The following VCL variants were observed in gnomAD, a reference collection of about 807,000 sequenced individuals.
VCL encodes the protein epididymis luminal protein 114.
VCL carries 47 observed loss-of-function variants against 125.7 expected under a neutral mutation model. The observed-to-expected ratio is 0.37, with a 90% confidence interval of 0.30 to 0.48. The LOEUF is 0.48. VCL is among the 20% of genes least tolerant of loss of function. The pLI, the probability that VCL is intolerant of heterozygous loss-of-function variation, is 0.99. For synonymous variants in VCL, 458 were observed against 514.6 expected, an observed-to-expected ratio of 0.89 and a Z score of 1.49; for missense variants, 1,069 against 1,455.5, an observed-to-expected ratio of 0.73 and a Z score of 4.32.
At chr10:74,110,210 G>A (rs925277299) in intron 18 of VCL, among the ~76,000 whole-genome samples, 31 of 152,180 alleles carry the variant, frequency 2.0e-4, no homozygotes, top group African/African-American at 7.2e-4. Flanking sequence ...ACTGTGCATG[G>A]GGAGTGGGGG....
intron 2 of VCL, among the ~76,000 whole-genome samples, chr10:74,052,689 T>C (rs1298081237): frequency 2.0e-5 from 3 of 152,064 alleles, no homozygotes; most frequent in African/African-American, 7.2e-5. Flanking sequence ...TCAGTTACTT[T>C]TTAAGCTTTT....
intron 1 of VCL, among the ~76,000 whole-genome samples, chr10:73,999,590 G>T (rs1449087901): frequency 6.6e-6 from 1 of 152,142 alleles, no homozygotes; most frequent in Non-Finnish European, 1.5e-5. Flanking sequence ...GGCAACTGTG[G>T]GTCTGTCTGG....
At chr10:74,009,220 C>CCT (rs1840374305) in intron 1 of VCL, among the ~76,000 whole-genome samples, 1 of 109,200 alleles carries the variant, frequency 9.2e-6, no homozygotes. Context: ...CTGCTTTCCC[C>CCT]CCCCCCCCCC....
At chr10:74,114,952 A>G (rs943273508) in intron 21 of VCL, 53 bp downstream of exon 21, 1 of 1,511,814 alleles carries the variant, frequency 6.6e-7, no homozygotes, top group Non-Finnish European at 9.0e-7. Flanking sequence ...GCCGTTTTGC[A>G]GTAATTTAAC....
chr10:74,116,562 A>G (rs1353076396), intron 21 of VCL, among the ~76,000 whole-genome samples: 1 of 152,072 alleles, frequency 6.6e-6, no homozygotes, highest in Non-Finnish European at 1.5e-5. Flanking sequence ...TAGAATGGAA[A>G]AAACACAGGA....
chr10:74,004,357 G>A (rs995750876), intron 1 of VCL, among the ~76,000 whole-genome samples: 3 of 152,292 alleles, frequency 2.0e-5, no homozygotes, highest in African/African-American at 7.2e-5. Flanking sequence ...TTACAGATGA[G>A]GGAGGATACT....
rs759937112 is a variant in VCL, at chr10:74,043,139, A to G, written c.225A>G (p.Pro75=). 3.4e-5 allele frequency: 55 copies of G among 1,613,108 alleles called. No homozygotes were observed. Among genetic ancestry groups the G allele is most frequent in the Non-Finnish European group, 4.3e-5 (51 of 1,179,440 alleles). The change falls in exon 2 of 22, where the codon CCA becomes CCG. Residue 75 remains proline, a synonymous_variant. Transcript: ENST00000211998. ...TEDQILKRDM[P]PAFIKVENAC... ...ATCAGATTTTGAAGAGAGATATGCCACCAGCATTTATTAAGTGAGTAATTG... is the reference window on the plus strand; with the variant it reads ...ATCAGATTTTGAAGAGAGATATGCCGCCAGCATTTATTAAGTGAGTAATTG...
rs190442191 is a variant in VCL, at chr10:74,095,509, G to A, written c.1544-147G>A. ...GAGGCTGTGGTGGGAGGGATTGCTT[G>A]AGCCGGCAGGTCAAGGCTGCAATGA... On this transcript the variant is annotated intron_variant, in intron 11 of 21. Coordinates refer to ENST00000211998, the MANE Select transcript of VCL (RefSeq NM_014000.3). 7.6e-6 allele frequency: 7 copies of A among 916,202 alleles called. No individual in the cohort carries two copies. In the East Asian group the frequency reaches 1.6e-4, roughly 21 times the overall value. 56.8% of individuals were successfully genotyped at this position (916,202 alleles called of 1,614,324 possible). A position where few individuals can be genotyped will look rare whatever the true frequency, so the allele number is the denominator to read the frequency against.
At chr10:74,083,069 T>C (rs1839703777) in intron 7 of VCL, among the ~76,000 whole-genome samples, 1 of 152,198 alleles carries the variant, frequency 6.6e-6, no homozygotes, top group Non-Finnish European at 1.5e-5. Flanking sequence ...AGGTTGGAGG[T>C]GCTAAATACT....
chr10:74,044,634 A>G (rs1290393980), intron 2 of VCL, among the ~76,000 whole-genome samples: 1 of 152,208 alleles, frequency 6.6e-6, no homozygotes, highest in Non-Finnish European at 1.5e-5. Flanking sequence ...ACATCAGTAA[A>G]GTAGAAGATA....
intron 1 of VCL, among the ~76,000 whole-genome samples, chr10:73,999,274 C>T (rs1368930435): frequency 6.6e-6 from 1 of 152,172 alleles, no homozygotes; most frequent in Non-Finnish European, 1.5e-5. Context: ...CCGCCCCTGC[C>T]GGAGAGAAGG....
chr10:74,095,192 TTAA>T (rs1839947946), intron 11 of VCL, among the ~76,000 whole-genome samples: 1 of 152,234 alleles, frequency 6.6e-6, no homozygotes, highest in Non-Finnish European at 1.5e-5. Flanking sequence ...GCATAAATGT[TTAA>T]TAATAACTGA....
At chr10:74,053,714 G>A (rs375305030) in intron 2 of VCL, among the ~76,000 whole-genome samples, 28 of 152,050 alleles carry the variant, frequency 1.8e-4, no homozygotes, top group African/African-American at 5.5e-4. Context: ...GGGTTCAAGC[G>A]ATTCTCCTGC....
intron 2 of VCL, among the ~76,000 whole-genome samples, chr10:74,068,403 C>A (rs923700540): frequency 6.6e-6 from 1 of 152,104 alleles, no homozygotes; most frequent in Admixed American, 6.6e-5. Context: ...CGGCTCACTG[C>A]AACCTCCGCT....
intron 1 of VCL, among the ~76,000 whole-genome samples, chr10:74,039,537 G>C (rs78928090): frequency 0.025 from 3,860 of 151,866 alleles, 57 homozygotes; most frequent in East Asian, 0.059. Context: ...AATCCCAGCA[G>C]TTAGGTAGGC....
chr10:74,030,593 G>A (rs1231975350), intron 1 of VCL, among the ~76,000 whole-genome samples: 1 of 152,208 alleles, frequency 6.6e-6, no homozygotes, highest in Non-Finnish European at 1.5e-5. Context: ...CAGGAATCAG[G>A]TGGTGACATA....
At chr10:74,044,408 T>C (rs979713464) in intron 2 of VCL, among the ~76,000 whole-genome samples, 1 of 152,086 alleles carries the variant, frequency 6.6e-6, no homozygotes, top group African/African-American at 2.4e-5. Flanking sequence ...TCCAAAAAGG[T>C]GTTTGAAGGA....
intron 1 of VCL, among the ~76,000 whole-genome samples, chr10:74,028,393 CTTTTT>C (rs1159824812): frequency 1.6e-5 from 2 of 121,748 alleles, no homozygotes; most frequent in South Asian, 5.4e-4. Flanking sequence ...CTTAAGTAAT[CTTTTT>C]TTTTTTTTTT....
At chr10:74,039,791 G>T (rs1017627723) in intron 1 of VCL, among the ~76,000 whole-genome samples, 3 of 144,400 alleles carry the variant, frequency 2.1e-5, no homozygotes, top group African/African-American at 8.8e-5. Flanking sequence ...GAAAAGAAAA[G>T]AAAAGAAAAA....
Sources: allele counts gnomAD v4.1 joint callset (sites outside exome capture counted in the v4.1 genomes callset), GRCh38; gene constraint gnomAD v4.1.1; transcripts MANE v1.5; gene names NCBI Gene and HGNC (gene_info 2026-07-23, HGNC 2026-07-21).